The following KALRN variants were observed in gnomAD, a reference collection of about 807,000 sequenced individuals.
KALRN encodes the protein kalirin RhoGEF kinase, also known as kalirin.
A neutral mutation model predicts 353.7 loss-of-function variants in KALRN; 70 were observed. That is an observed-to-expected ratio of 0.20 (90% CI 0.16 to 0.24). KALRN has a LOEUF of 0.24. KALRN is among the 10% of genes least tolerant of loss of function. The pLI is 1.00. For missense variants in KALRN, 2,791 were observed against 3,756.7 expected, an observed-to-expected ratio of 0.74 and a Z score of 6.72; for synonymous variants, 1,391 against 1,434.8, an observed-to-expected ratio of 0.97 and a Z score of 0.69.
intron 49 of KALRN, among the ~76,000 whole-genome samples, chr3:124,675,843 C>A (rs2087127967): frequency 6.6e-6 from 1 of 152,132 alleles, no homozygotes; most frequent in Admixed American, 6.5e-5. Flanking sequence ...CAGGGGGCTT[C>A]CATGAGCTAT....
rs564916967 is a variant in KALRN, at chr3:124,455,002, A to T, written c.3553-175A>T. On this transcript the variant is annotated intron_variant, in intron 21 of 59. Transcript: ENST00000682506. ...TGCAGATGAAGAAATGGAGGCACAG[A>T]GGGTTTCAATAACTTGCTCGAGATC... 6.5e-6 allele frequency: 4 copies of T among 617,722 alleles called. No individual in the cohort carries two copies. In the Admixed American group the frequency reaches 8.9e-5, roughly 14 times the overall value. The allele number at this position is 617,722 out of a possible 1,614,324, so 38.3% of individuals were successfully genotyped here.
Position 124,637,163 on chromosome 3 carries a change from ATTC to A in KALRN, c.5569-42_5569-40del. On this transcript the variant is annotated intron_variant, in intron 36 of 59. Transcript: ENST00000682506. ...TTTTATTTCCTGATCACTGTTCCTT[ATTC>A]TTTGCTAATCTGCTTTTCCTCTGCT... The A allele has an allele frequency of 2.8e-6, 4 of 1,440,858 alleles. 1 individual carries two copies. Among genetic ancestry groups the A allele is most frequent in the Non-Finnish European group, 3.9e-6 (4 of 1,022,246 alleles). The allele number at this position is 1,440,858 out of a possible 1,614,324, so 89.3% of individuals were successfully genotyped here.
intron 20 of KALRN, 56 bp downstream of exon 20, chr3:124,446,332 A>G: frequency 7.7e-7 from 1 of 1,300,008 alleles, no homozygotes; most frequent in South Asian, 1.3e-5. Flanking sequence ...ACAGAGGCCC[A>G]TCACCAAGGC....
At position 124,423,103 on chromosome 3, in the gene KALRN, G is replaced by A. The variant is rs542775070; in HGVS notation, c.2709+125G>A. 6.9e-5 allele frequency: 55 copies of A among 794,746 alleles called. No homozygotes were observed. The East Asian group carries it at 1.1e-3, about 16-fold the overall frequency. The allele number at this position is 794,746 out of a possible 1,614,324, so 49.2% of individuals were successfully genotyped here. On this transcript the variant is annotated intron_variant, in intron 15 of 59. Coordinates refer to ENST00000682506, the MANE Select transcript of KALRN (RefSeq NM_001388419.1). ...TGCCCCTTTAAGTAACCAGCACTTC[G>A]AAAATAGGTAAGTTAAGGACTACTT...
At chr3:124,550,914 G>A (rs1406647217) in intron 33 of KALRN, among the ~76,000 whole-genome samples, 3 of 152,092 alleles carry the variant, frequency 2.0e-5, no homozygotes, top group African/African-American at 2.4e-5. Flanking sequence ...GCATGAACCC[G>A]GGAGATGGAG....
At chr3:124,230,635 G>C (rs2079035244) in intron 2 of KALRN, among the ~76,000 whole-genome samples, 1 of 152,000 alleles carries the variant, frequency 6.6e-6, no homozygotes, top group South Asian at 2.1e-4. Flanking sequence ...GGACGAAGGG[G>C]GCTGGGAGCA....
chr3:124,198,269 T>C (rs1383670992), intron 1 of KALRN, among the ~76,000 whole-genome samples: 1 of 152,176 alleles, frequency 6.6e-6, no homozygotes, highest in African/African-American at 2.4e-5. Context: ...CTGGGTTTGA[T>C]TCTGCACTCC....
intron 1 of KALRN, among the ~76,000 whole-genome samples, chr3:124,060,089 C>A (rs773942435): frequency 2.2e-4 from 34 of 152,210 alleles, no homozygotes; most frequent in Non-Finnish European, 4.1e-4. Flanking sequence ...GGCCTTGATT[C>A]TCAAGGGACT....
At chr3:124,677,857 C>G (rs550741243) in intron 49 of KALRN, among the ~76,000 whole-genome samples, 26 of 152,352 alleles carry the variant, frequency 1.7e-4, no homozygotes, top group Middle Eastern at 6.8e-3. Context: ...GTGCCCTTCT[C>G]AAGAGGAATT....
intron 27 of KALRN, among the ~76,000 whole-genome samples, chr3:124,479,836 T>G (rs1197649497): frequency 1.4e-5 from 2 of 147,114 alleles, no homozygotes; most frequent in Admixed American, 6.9e-5. Flanking sequence ...CCATTCTCCC[T>G]CCTCAGCCTC....
At chr3:124,608,054 G>C (rs2077540268) in intron 34 of KALRN, among the ~76,000 whole-genome samples, 1 of 148,324 alleles carries the variant, frequency 6.7e-6, no homozygotes, top group Admixed American at 6.8e-5. Flanking sequence ...TGTCACCCAG[G>C]CTGGAGTGCA....
intron 5 of KALRN, among the ~76,000 whole-genome samples, chr3:124,290,225 T>C (rs775901801): frequency 6.6e-6 from 1 of 152,170 alleles, no homozygotes; most frequent in African/African-American, 2.4e-5. Flanking sequence ...ACACTCATCA[T>C]GTCTGAAGCC....
intron 3 of KALRN, among the ~76,000 whole-genome samples, chr3:124,247,144 T>C (rs1012752180): frequency 1.3e-5 from 2 of 152,200 alleles, no homozygotes; most frequent in African/African-American, 4.8e-5. Context: ...AGAGACTGCC[T>C]TTATTGTACA....
rs75736291 is a variant in KALRN at position 124,214,848 on chromosome 3, C to T, written c.74-13142C>T. Among the ~76,000 whole-genome samples the T allele has an allele frequency of 9.1e-4, 139 of 152,250 alleles. No homozygotes were observed. The East Asian group carries it at 0.015, about 16-fold the overall frequency. Reference sequence around the variant, plus strand: ...TTACTACAGCCTGACAACTCAAGGCCAACTAAGAAAAAGACTCACAGGTCA... The same window carrying T: ...TTACTACAGCCTGACAACTCAAGGCTAACTAAGAAAAAGACTCACAGGTCA... On this transcript the variant is annotated intron_variant, in intron 1 of 59. Coordinates refer to ENST00000682506, the MANE Select transcript of KALRN (RefSeq NM_001388419.1).
chr3:124,057,617 C>T (rs4677912), intron 1 of KALRN, among the ~76,000 whole-genome samples: 139,447 of 152,048 alleles, frequency 0.92, 64,650 homozygotes, highest in East Asian at 1. Flanking sequence ...CACTTGTGCG[C>T]GTGCCAAACT....
intron 2 of KALRN, among the ~76,000 whole-genome samples, chr3:124,230,419 A>G (rs923157652): frequency 6.6e-6 from 1 of 152,170 alleles, no homozygotes; most frequent in African/African-American, 2.4e-5. Context: ...AGTTTGGGGC[A>G]TATGCATGCA....
chr3:124,644,522 T>C (rs2082467203), intron 37 of KALRN, among the ~76,000 whole-genome samples: 1 of 151,108 alleles, frequency 6.6e-6, no homozygotes, highest in South Asian at 2.1e-4. Context: ...TTCCCCTCCC[T>C]GTGTCTATGT....
At chr3:124,177,174 A>G (rs2072896522) in intron 1 of KALRN, among the ~76,000 whole-genome samples, 1 of 152,168 alleles carries the variant, frequency 6.6e-6, no homozygotes, top group Non-Finnish European at 1.5e-5. Flanking sequence ...CTTCCTTTTC[A>G]CAGGGCCTGG....
intron 51 of KALRN, 30 bp from the exon 52 acceptor site, chr3:124,693,774 A>C: frequency 6.8e-7 from 1 of 1,474,358 alleles, no homozygotes; most frequent in Non-Finnish European, 9.4e-7. Context: ...TTAGGATTCA[A>C]GCAATTTTCT....
Sources: gnomAD v4.1 joint callset for allele counts (sites outside exome capture counted in the v4.1 genomes callset) on GRCh38, gnomAD v4.1.1 for gene constraint, MANE v1.5 for transcripts, NCBI Gene and HGNC (gene_info 2026-07-23, HGNC 2026-07-21) for gene names.